The following NPHP4 variants were observed in gnomAD, a reference collection of about 807,000 sequenced individuals.
The protein encoded by NPHP4 is nephrocystin-4.
In NPHP4, 151 loss-of-function variants were observed where a neutral mutation model predicts 155.8. The ratio of observed to expected loss-of-function variants is 0.97; its 90% CI spans 0.85 to 1.11. The LOEUF (loss-of-function observed/expected upper bound fraction) is 1.11. NPHP4 is among the 50% of genes least tolerant of loss of function. NPHP4 has a pLI of 0.00. For synonymous variants in NPHP4, 845 were observed against 816.8 expected, an observed-to-expected ratio of 1.03 and a Z score of -0.59; for missense variants, 1,956 against 1,925.7, an observed-to-expected ratio of 1.02 and a Z score of -0.29.
At chr1:5,985,908 C>T (rs1006639645) in intron 2 of NPHP4, among the ~76,000 whole-genome samples, 1 of 152,208 alleles carries the variant, frequency 6.6e-6, no homozygotes, top group Non-Finnish European at 1.5e-5. Flanking sequence ...AGAACACTTG[C>T]ATGTTCCTAC....
chr1:5,887,145 A>G, intron 18 of NPHP4, 141 bp downstream of exon 18: 2 of 789,770 alleles, frequency 2.5e-6, no homozygotes, highest in Non-Finnish European at 2.0e-6. Context: ...CACAGGCTCC[A>G]TGGCCAAGCT....
rs1644194723 is a variant in NPHP4 at position 5,892,702 on chromosome 1, C to T, written c.2144-1674G>A. Among the ~76,000 whole-genome samples, 1 of 152,062 alleles carries T rather than the reference C, an allele frequency of 6.6e-6. No homozygotes were observed. The highest frequency in any genetic ancestry group is 1.5e-5 in the Non-Finnish European group (1 of 68,006). On this transcript the variant is annotated intron_variant, in intron 16 of 29. Coordinates refer to ENST00000378156, the MANE Select transcript of NPHP4 (RefSeq NM_015102.5). This position sits in a 1 kb window ranked among gnomAD's most constrained non-coding sequence, Gnocchi z 4.5. ...CCCACTGCAGCCTCAGACCTCTCCC[C>T]TCCCTGTCCAGCTGAGACAAGTGGC... is the stretch of plus-strand genomic sequence containing the variant.
At chr1:5,965,144 G>A (rs1048027694) in intron 5 of NPHP4, among the ~76,000 whole-genome samples, 3 of 151,364 alleles carry the variant, frequency 2.0e-5, no homozygotes, top group Admixed American at 6.6e-5. Context: ...TGTTGCCCAC[G>A]ATGGTCTCAA....
chr1:5,899,975 T>C (rs1188893980), intron 16 of NPHP4, among the ~76,000 whole-genome samples: 1 of 152,208 alleles, frequency 6.6e-6, no homozygotes, highest in Admixed American at 6.5e-5. Flanking sequence ...CTCCACATCA[T>C]AGGTCACTAG....
At chr1:5,948,304 C>T (rs1557809172) in intron 7 of NPHP4, 53 bp from the exon 8 acceptor site, 11 of 1,391,634 alleles carry the variant, frequency 7.9e-6, no homozygotes, top group South Asian at 2.8e-5. Context: ...AGAGGGAGCT[C>T]GCCAGAAGTC....
chr1:5,905,492 CAG>C lies in NPHP4; in HGVS notation c.1764-11_1764-10del, dbSNP rs1412392250. 2 of 1,600,158 alleles carry C rather than the reference CAG, an allele frequency of 1.2e-6. No individual in the cohort carries two copies. Among genetic ancestry groups the C allele is most frequent in the Non-Finnish European group, 1.7e-6 (2 of 1,169,762 alleles). On this transcript the variant is annotated splice_polypyrimidine_tract_variant and intron_variant, in intron 14 of 29. Transcript: ENST00000378156. The surrounding 1 kb of genome is among the most constrained non-coding windows in gnomAD (Gnocchi z 4.0). ...AGGGCTGCCCTGCAGAGCTGAGACA[CAG>C]AGACTCCTCAGGTAGCCTCCCGGGA... is the stretch of plus-strand genomic sequence containing the variant.
intron 10 of NPHP4, 63 bp downstream of exon 10, chr1:5,933,084 T>C (rs767944034): frequency 6.7e-6 from 9 of 1,335,500 alleles, no homozygotes; most frequent in African/African-American, 1.5e-5. Context: ...ACTTTTGCTT[T>C]TGAAAATGAA....
chr1:5,918,366 T>C (rs35291001), intron 11 of NPHP4, among the ~76,000 whole-genome samples: 31,349 of 152,174 alleles, frequency 0.21, 3,750 homozygotes, highest in African/African-American at 0.33. Context: ...GGAAATAACA[T>C]TCCAAATCAA....
chr1:5,922,045 G>A (rs946039180), intron 11 of NPHP4, among the ~76,000 whole-genome samples: 2 of 152,244 alleles, frequency 1.3e-5, no homozygotes, highest in African/African-American at 2.4e-5. Flanking sequence ...ATCCAGGTGG[G>A]CCCAATGTAC....
chr1:5,890,922 G>A lies in NPHP4; in HGVS notation c.2250C>T (p.Asp750=), dbSNP rs201090359. ...GCAGCAGGGAGTCTCCGTCCCAGAC[G>A]TCAATCTGCAGGGTCTGCACGGCCA... ...RYLAVQTLQI[D]VWDGDSLLLI... is the part of the protein sequence containing the mutation. The change falls in exon 17 of 30, where the codon GAC becomes GAT. Residue 750 remains aspartate, a synonymous_variant. Transcript: ENST00000378156. This position sits in a 1 kb window ranked among gnomAD's most constrained non-coding sequence, Gnocchi z 4.9. 467 of 1,610,046 alleles carry A rather than the reference G, an allele frequency of 2.9e-4. 1 individual carries two copies. The highest frequency in any genetic ancestry group is 3.8e-4 in the Non-Finnish European group (446 of 1,177,982).
chr1:5,986,025 T>C (rs539480655), intron 2 of NPHP4, 130 bp downstream of exon 2: 3 of 912,032 alleles, frequency 3.3e-6, no homozygotes, highest in Admixed American at 2.2e-5. Flanking sequence ...AATGGCTATA[T>C]GGGTACCACC....
At chr1:5,958,631 G>T (rs1368629609) in intron 6 of NPHP4, among the ~76,000 whole-genome samples, 1 of 151,476 alleles carries the variant, frequency 6.6e-6, no homozygotes, top group East Asian at 1.9e-4. Flanking sequence ...GAAGGCGGAG[G>T]TTGTAGTGAG....
Position 5,961,787 on chromosome 1 carries a change from C to A in NPHP4, c.673+7G>T. On this transcript the variant is annotated splice_region_variant and intron_variant, in intron 6 of 29. Transcript: ENST00000378156. ...CACCAAGTGGAGAGAATCAAAGACG[C>A]CCTTACCGGATTCTCCATGAGCTGG... 1 of 1,608,968 alleles carries A rather than the reference C, an allele frequency of 6.2e-7. No individual in the cohort carries two copies. Among genetic ancestry groups the A allele is most frequent in the Non-Finnish European group, 8.5e-7 (1 of 1,177,606 alleles).
intron 7 of NPHP4, among the ~76,000 whole-genome samples, chr1:5,952,149 C>T (rs936450177): frequency 2.6e-5 from 4 of 152,160 alleles, no homozygotes; most frequent in Non-Finnish European, 5.9e-5. Flanking sequence ...ACCTGTGACA[C>T]GGGCAGGCCG....
chr1:5,907,634 G>A (rs1207062093), intron 12 of NPHP4, among the ~76,000 whole-genome samples: 1 of 152,212 alleles, frequency 6.6e-6, no homozygotes, highest in Non-Finnish European at 1.5e-5. Context: ...TTAAGGCAAT[G>A]ACCATCTTGA....
At chr1:5,964,941 A>ATTTTTT (rs55734317) in intron 5 of NPHP4, among the ~76,000 whole-genome samples, 16 of 59,414 alleles carry the variant, frequency 2.7e-4, no homozygotes, top group African/African-American at 1.1e-3. Flanking sequence ...ATATATATAT[A>ATTTTTT]TTTTTTTTTT....
intron 22 of NPHP4, 90 bp from the exon 23 acceptor site, chr1:5,873,425 G>A (rs768125044): frequency 4.9e-5 from 49 of 1,007,546 alleles, no homozygotes; most frequent in Non-Finnish European, 6.0e-5. Context: ...CCACCCAGCT[G>A]GGAGCCACCA....
At chr1:5,877,662 T>C (rs960184084) in intron 19 of NPHP4, among the ~76,000 whole-genome samples, 4 of 152,232 alleles carry the variant, frequency 2.6e-5, no homozygotes, top group African/African-American at 9.6e-5. Context: ...CCAGGGCTGC[T>C]GGCCTCAGCC....
At chr1:5,986,354 G>A in intron 1 of NPHP4, 27 bp from the exon 2 acceptor site, 1 of 1,582,854 alleles carries the variant, frequency 6.3e-7, no homozygotes, top group Admixed American at 1.7e-5. Context: ...CAAATAAAGA[G>A]AAGAGCTGTG....
Sources: allele counts gnomAD v4.1 joint callset (sites outside exome capture counted in the v4.1 genomes callset), GRCh38; gene constraint gnomAD v4.1.1; non-coding constraint Gnocchi (gnomAD v3.1); transcripts MANE v1.5; gene names NCBI Gene and HGNC (gene_info 2026-07-23, HGNC 2026-07-21).